RNF130: variants seen among roughly 807,000 people sequenced by gnomAD.
RNF130 encodes the protein E3 ubiquitin-protein ligase RNF130.
A neutral mutation model predicts 44.6 loss-of-function variants in RNF130; 21 were observed. That is an observed-to-expected ratio of 0.47 (90% CI 0.33 to 0.68). RNF130 has a LOEUF of 0.68. RNF130 is among the 30% of genes least tolerant of loss of function. The probability of loss-of-function intolerance (pLI) is 0.02; values close to 1 mark genes in which losing one functional copy is unlikely to be tolerated. For synonymous variants in RNF130, 214 were observed against 210.4 expected (o/e 1.02, Z -0.15); for missense variants, 479 against 560.6 (o/e 0.85, Z 1.47).
At chr5:179,998,854 ATT>A (rs1243410906) in intron 3 of RNF130, among the ~76,000 whole-genome samples, 1,933 of 87,476 alleles carry the variant, frequency 0.022, 202 homozygotes, top group East Asian at 0.067. Context: ...TAGATCTAGT[ATT>A]TTTTATATAT....
At chr5:179,980,984 G>A (rs1420514728) in intron 3 of RNF130, among the ~76,000 whole-genome samples, 2 of 152,026 alleles carry the variant, frequency 1.3e-5, no homozygotes, top group African/African-American at 4.8e-5. Context: ...CAGAGGAGGC[G>A]ACTAGGAGGG....
At chr5:179,951,374 G>A (rs1224397185), downstream of RNF130, among the ~76,000 whole-genome samples, 1 of 143,376 alleles carries the variant, frequency 7.0e-6, no homozygotes, top group African/African-American at 2.6e-5. Flanking sequence ...TCCAACAAGA[G>A]CAGAATAGGT....
chr5:179,917,063 T>C (rs948773557), exon 8 of RNF130: 1 of 151,822 alleles, frequency 6.6e-6, no homozygotes, highest in Non-Finnish European at 1.5e-5. Flanking sequence ...TCGTGGCAGG[T>C]GCCTGTAGTC....
intron 7 of RNF130, among the ~76,000 whole-genome samples, chr5:179,945,329 A>T (rs1277413384): frequency 6.6e-6 from 1 of 152,150 alleles, no homozygotes; most frequent in African/African-American, 2.4e-5. Flanking sequence ...CGCTGCACAG[A>T]TCAGCTGCAA....
At chr5:180,043,415 T>C (rs1393460098) in intron 1 of RNF130, among the ~76,000 whole-genome samples, 2 of 152,192 alleles carry the variant, frequency 1.3e-5, no homozygotes, top group Non-Finnish European at 2.9e-5. Context: ...TATGTTGTCT[T>C]GGTGATCCAG....
intron 2 of RNF130, among the ~76,000 whole-genome samples, chr5:180,022,273 T>C (rs1479485910): frequency 6.6e-6 from 1 of 152,198 alleles, no homozygotes; most frequent in African/African-American, 2.4e-5. Flanking sequence ...GCTAGGTAAA[T>C]ATTCCATCCT....
intron 1 of RNF130, among the ~76,000 whole-genome samples, chr5:180,067,814 C>G (rs893081261): frequency 1.3e-5 from 2 of 152,148 alleles, no homozygotes; most frequent in Non-Finnish European, 2.9e-5. Flanking sequence ...GTTATGAATT[C>G]AAACATTACA....
At chr5:180,070,866 C>A (rs1439573043) in intron 1 of RNF130, among the ~76,000 whole-genome samples, 1 of 152,112 alleles carries the variant, frequency 6.6e-6, no homozygotes, top group African/African-American at 2.4e-5. Context: ...GCTAGTAGTT[C>A]CGATTAGTGT....
intron 7 of RNF130, among the ~76,000 whole-genome samples, chr5:179,949,991 G>C (rs1762101061): frequency 6.6e-6 from 1 of 152,190 alleles, no homozygotes; most frequent in Non-Finnish European, 1.5e-5. Context: ...GACCCCATTT[G>C]TTTGAAGCTG....
At chr5:180,036,121 C>T (rs1207524458) in intron 2 of RNF130, among the ~76,000 whole-genome samples, 1 of 152,070 alleles carries the variant, frequency 6.6e-6, no homozygotes, top group Non-Finnish European at 1.5e-5. Flanking sequence ...ACATTTTAGA[C>T]AGTATATTGT....
chr5:179,945,257 C>T (rs1417881793), intron 7 of RNF130, among the ~76,000 whole-genome samples: 1 of 152,198 alleles, frequency 6.6e-6, no homozygotes, highest in African/African-American at 2.4e-5. Context: ...AAGGCTCAGT[C>T]CCACACCCTG....
intron 1 of RNF130, 85 bp downstream of exon 1, chr5:180,071,371 G>A (rs1361558429): frequency 1.1e-5 from 13 of 1,191,828 alleles, no homozygotes; most frequent in Non-Finnish European, 1.4e-5. Flanking sequence ...GAGAGCCAGG[G>A]CCAGAGCCGG....
intron 7 of RNF130, among the ~76,000 whole-genome samples, chr5:179,941,502 C>T (rs1761968260): frequency 6.6e-6 from 1 of 152,052 alleles, no homozygotes; most frequent in Non-Finnish European, 1.5e-5. Context: ...GCTTGGTGGC[C>T]CATGAATTCC....
chr5:180,071,670 C>G lies in RNF130; in HGVS notation c.33G>C (p.Arg11=). 2 of 1,418,710 alleles carry G rather than the reference C, an allele frequency of 1.4e-6. No individual in the cohort carries two copies. The highest frequency in any genetic ancestry group is 2.2e-4 in the Middle Eastern group (1 of 4,582). 87.9% of individuals were successfully genotyped at this position (1,418,710 alleles called of 1,614,324 possible). Residue 11 remains arginine, a synonymous_variant, in exon 1 of 9, where the codon CGG becomes CGC. Transcript: ENST00000521389. ...AGGTCAGCAGGGCGAGCGCGGCGAG[C>G]CGGGCAGGGCCCGCCCGCCCCGCGC... is the stretch of plus-strand genomic sequence containing the variant. The part of the protein sequence containing the change: MSCAGRAGPA[R]LAALALLTCS...
chr5:180,057,970 G>A (rs771101632), intron 1 of RNF130, among the ~76,000 whole-genome samples: 1 of 152,112 alleles, frequency 6.6e-6, no homozygotes, highest in Non-Finnish European at 1.5e-5. Context: ...TGGGGTCTGC[G>A]CTAACTTTAC....
intron 8 of RNF130, among the ~76,000 whole-genome samples, chr5:179,956,919 G>C (rs1762225662): frequency 6.6e-6 from 1 of 152,232 alleles, no homozygotes; most frequent in Non-Finnish European, 1.5e-5. Flanking sequence ...GAATGAGGGG[G>C]CGTTGTCAAC....
At chr5:180,065,482 C>T (rs903628650) in intron 1 of RNF130, among the ~76,000 whole-genome samples, 9 of 152,222 alleles carry the variant, frequency 5.9e-5, no homozygotes, top group South Asian at 2.1e-4. Context: ...GGCACTAGGC[C>T]GGTCACGGTG....
At chr5:179,996,306 G>A (rs1371177291) in intron 3 of RNF130, among the ~76,000 whole-genome samples, 1 of 152,110 alleles carries the variant, frequency 6.6e-6, no homozygotes, top group African/African-American at 2.4e-5. Context: ...TGTTAATTTT[G>A]TATTCTGCAA....
At chr5:179,973,706 A>T (rs534016856) in intron 5 of RNF130, among the ~76,000 whole-genome samples, 14 of 152,278 alleles carry the variant, frequency 9.2e-5, no homozygotes, top group African/African-American at 3.4e-4. Flanking sequence ...GGCCTCAGAA[A>T]GAGGCACCTG....
Sources: gnomAD v4.1 joint callset for allele counts (sites outside exome capture counted in the v4.1 genomes callset) on GRCh38, gnomAD v4.1.1 for gene constraint, MANE v1.5 for transcripts, NCBI Gene and HGNC (gene_info 2026-07-23, HGNC 2026-07-21) for gene names.